Variants in ARFGEF3 observed in about 807,000 individuals in gnomAD.
The protein encoded by ARFGEF3 is brefeldin A-inhibited guanine nucleotide-exchange protein 3.
ARFGEF3 carries 96 observed loss-of-function variants against 221.7 expected under a neutral mutation model. The ratio of observed to expected loss-of-function variants is 0.43; its 90% CI spans 0.37 to 0.51. The LOEUF (loss-of-function observed/expected upper bound fraction) is 0.51. Among genes scored for constraint, ARFGEF3 ranks in the 20% least tolerant of loss-of-function variants. The probability of loss-of-function intolerance (pLI) is 0.00; values close to 1 mark genes in which losing one functional copy is unlikely to be tolerated. For missense variants in ARFGEF3, 2,410 were observed against 2,789.9 expected (o/e 0.86, Z 3.07); for synonymous variants, 1,145 against 1,126.8 (o/e 1.02, Z -0.32).
rs561762302 is a variant in ARFGEF3 at position 138,255,761 on chromosome 6, A to G, written c.1096A>G (p.Met366Val). The G allele has an allele frequency of 1.9e-6, 3 of 1,560,970 alleles. No homozygotes were observed. The highest frequency in any genetic ancestry group is 2.4e-5 in the South Asian group (2 of 84,518). Reference sequence around the variant, plus strand: ...GCACCGGGTGGAAGCCATCAAAATAATGAAAGAGGTGAGGAGGCACTGGAG... The same window carrying G: ...GCACCGGGTGGAAGCCATCAAAATAGTGAAAGAGGTGAGGAGGCACTGGAG... ...PQHRVEAIKI[M>V]KEILGSPQRL... Residue 366 changes from methionine to valine, a missense_variant, in exon 10 of 34, where the codon ATG becomes GTG. Physicochemically the swap from Met to Val is conservative, Grantham distance 21 (BLOSUM62 1). Around this residue, in one of 5 missense-constraint regions of ARFGEF3, gnomAD observed 570 missense variants for 586.9 expected, o/e 0.97. Coordinates refer to ENST00000251691, the MANE Select transcript of ARFGEF3 (RefSeq NM_020340.5).
chr6:138,245,687 T>C (rs1185176091), intron 8 of ARFGEF3, 96 bp downstream of exon 8: 11 of 914,948 alleles, frequency 1.2e-5, no homozygotes, highest in Middle Eastern at 2.1e-4. Context: ...GATTGTAAGA[T>C]TATAGGGACA....
chr6:138,262,186 A>G (rs902686146), intron 11 of ARFGEF3, among the ~76,000 whole-genome samples: 1 of 136,632 alleles, frequency 7.3e-6, no homozygotes, highest in African/African-American at 2.8e-5. Flanking sequence ...AATGCAGACC[A>G]CTTTTTTTTT....
Position 138,339,931 on chromosome 6 carries a change from C to T in ARFGEF3, c.*3445C>T, listed in dbSNP as rs561307833. The T allele has an allele frequency of 2.0e-5, 3 of 152,162 alleles. No individual in the cohort carries two copies. The highest frequency in any genetic ancestry group is 6.5e-5 in the Admixed American group (1 of 15,276). The allele number at this position is 152,162 out of a possible 1,614,324, so 9.4% of individuals were successfully genotyped here. A position where few individuals can be genotyped will look rare whatever the true frequency, so the allele number is the denominator to read the frequency against. On this transcript the variant is annotated 3_prime_UTR_variant, in exon 34 of 34. Transcript: ENST00000251691. ...GCAGATGCTAACATACTTAACAGCT[C>T]GCATTAAAATACTTTAAATCAGGCG...
intron 27 of ARFGEF3, 96 bp from the exon 28 acceptor site, chr6:138,319,604 AAAT>A: frequency 1.2e-6 from 1 of 804,140 alleles, no homozygotes; most frequent in Non-Finnish European, 2.0e-6. Flanking sequence ...CTTTCTCAGC[AAAT>A]GTAGGGATCC....
intron 3 of ARFGEF3, among the ~76,000 whole-genome samples, chr6:138,207,665 C>T (rs1253386888): frequency 1.3e-5 from 2 of 152,100 alleles, no homozygotes; most frequent in Admixed American, 1.3e-4. Flanking sequence ...GTGTTTTACA[C>T]CAAACATAAT....
chr6:138,272,687 C>A (rs1010288694), intron 12 of ARFGEF3, among the ~76,000 whole-genome samples: 1 of 152,090 alleles, frequency 6.6e-6, no homozygotes, highest in Admixed American at 6.6e-5. Flanking sequence ...AAATTAGAGC[C>A]GTAGACTTAA....
chr6:138,171,046 A>G lies in ARFGEF3; in HGVS notation c.137+333A>G, dbSNP rs1163139285. Among the ~76,000 whole-genome samples, 2 of 152,048 alleles carry G rather than the reference A, an allele frequency of 1.3e-5. 1 individual carries two copies. Among genetic ancestry groups the G allele is most frequent in the East Asian group, 3.8e-4 (2 of 5,200 alleles). ...ACTCCTGTGATAACAGCATTCATCC[A>G]TTCATGGAGCAGAGCCCTCATGGCC... is the stretch of plus-strand genomic sequence containing the variant. On this transcript the variant is annotated intron_variant, in intron 2 of 33. Coordinates refer to ENST00000251691, the MANE Select transcript of ARFGEF3 (RefSeq NM_020340.5).
chr6:138,266,676 C>T lies in ARFGEF3; in HGVS notation c.2128+3065C>T, dbSNP rs193251191. On this transcript the variant is annotated intron_variant, in intron 12 of 33. Coordinates refer to ENST00000251691, the MANE Select transcript of ARFGEF3 (RefSeq NM_020340.5). ...CATCCTGGCTAATATGGTGAAACCCCGTCTCTACTAAAAATACAAAAAATT... is the reference window on the plus strand; with the variant it reads ...CATCCTGGCTAATATGGTGAAACCCTGTCTCTACTAAAAATACAAAAAATT... Among the ~76,000 whole-genome samples the T allele has an allele frequency of 2.1e-3, 320 of 151,826 alleles. 2 individuals are homozygous for T. Among genetic ancestry groups the T allele is most frequent in the African/African-American group, 6.6e-3 (274 of 41,390 alleles).
chr6:138,264,652 T>TAG (rs1778854340), intron 12 of ARFGEF3, among the ~76,000 whole-genome samples: 2 of 152,176 alleles, frequency 1.3e-5, no homozygotes, highest in Admixed American at 1.3e-4. Context: ...CCATCCCTTC[T>TAG]ACCCTCCCCT....
chr6:138,229,846 C>T lies in ARFGEF3; in HGVS notation c.414C>T (p.Ile138=), dbSNP rs754942464. The T allele has an allele frequency of 9.9e-6, 16 of 1,613,388 alleles. No homozygotes were observed. Among genetic ancestry groups the T allele is most frequent in the African/African-American group, 1.3e-5 (1 of 75,026 alleles). Residue 138 remains isoleucine (I), a synonymous_variant, in exon 5 of 34, where the codon ATC becomes ATT. Coordinates refer to ENST00000251691, the MANE Select transcript of ARFGEF3 (RefSeq NM_020340.5). The part of the protein sequence containing the change: ...FDLNGSAVLK[I]AEVCIETYIS... ...TGAATGGGAGTGCCGTGCTGAAGATCGCGGAGGTGAGTACTGCTTGTGTCT... is the reference window on the plus strand; with the variant it reads ...TGAATGGGAGTGCCGTGCTGAAGATTGCGGAGGTGAGTACTGCTTGTGTCT...
At chr6:138,279,956 G>C in intron 13 of ARFGEF3, 43 bp from the exon 14 acceptor site, 1 of 1,599,562 alleles carries the variant, frequency 6.3e-7, no homozygotes, top group South Asian at 1.1e-5. Flanking sequence ...CTGTTAGTGA[G>C]CAGGGTGTTA....
chr6:138,310,532 C>T (rs565147177), intron 24 of ARFGEF3, among the ~76,000 whole-genome samples: 2 of 152,212 alleles, frequency 1.3e-5, no homozygotes, highest in South Asian at 4.2e-4. Flanking sequence ...AACCCTTGCT[C>T]GAAAACCTAA....
chr6:138,240,162 A>G (rs1778368164), intron 6 of ARFGEF3, among the ~76,000 whole-genome samples: 1 of 152,204 alleles, frequency 6.6e-6, no homozygotes, highest in Admixed American at 6.5e-5. Context: ...AGGATTTTGG[A>G]TATAGCTAGT....
chr6:138,225,120 C>A (rs376623774), intron 4 of ARFGEF3, among the ~76,000 whole-genome samples: 5 of 152,186 alleles, frequency 3.3e-5, no homozygotes, highest in East Asian at 3.8e-4. Flanking sequence ...GCCACGGGAA[C>A]AACTAGGATC....
intron 26 of ARFGEF3, among the ~76,000 whole-genome samples, chr6:138,314,369 A>G (rs1008747812): frequency 6.6e-6 from 1 of 152,208 alleles, no homozygotes; most frequent in East Asian, 1.9e-4. Flanking sequence ...ACACTGTTGC[A>G]TTATGGATAA....
At position 138,262,889 on chromosome 6, in the gene ARFGEF3, G is replaced by T; in HGVS notation, c.1406G>T (p.Arg469Leu). The T allele has an allele frequency of 6.2e-7, 1 of 1,613,258 alleles. No individual in the cohort carries two copies. Among genetic ancestry groups the T allele is most frequent in the Non-Finnish European group, 8.5e-7 (1 of 1,179,508 alleles). The change falls in exon 12 of 34, where the codon CGA (arginine) becomes CTA (leucine). Residue 469 changes from arginine to leucine, a missense_variant. Around this residue, in one of 5 missense-constraint regions of ARFGEF3, gnomAD observed 570 missense variants for 586.9 expected, o/e 0.97. Coordinates refer to ENST00000251691, the MANE Select transcript of ARFGEF3 (RefSeq NM_020340.5). ...CTGAAGGATGGGGCTGAGTGGAGCCGAGATTCCATGGAGATCAATGAGGCT... is the reference window on the plus strand; with the variant it reads ...CTGAAGGATGGGGCTGAGTGGAGCCTAGATTCCATGGAGATCAATGAGGCT... ...EELKDGAEWS[R>L]DSMEINEADF... is the part of the protein sequence containing the mutation.
intron 10 of ARFGEF3, among the ~76,000 whole-genome samples, chr6:138,259,489 C>G (rs1232351819): frequency 1.3e-5 from 2 of 152,194 alleles, no homozygotes; most frequent in African/African-American, 4.8e-5. Context: ...CCTCTGGCCC[C>G]CCAGCCACTG....
rs562640168 is a variant in ARFGEF3, at chr6:138,255,662, G to A, written c.997G>A (p.Val333Met). ...CATCGCAGCCGAGCTGGTCCGGCTGGTGGGGTCTGTGGACTCCATGAAGCC... is the reference window on the plus strand; with the variant it reads ...CATCGCAGCCGAGCTGGTCCGGCTGATGGGGTCTGTGGACTCCATGAAGCC... The part of the protein sequence containing the change: ...YYIAAELVRL[V>M]GSVDSMKPVL... Residue 333 changes from valine (V) to methionine (M), a missense_variant, in exon 10 of 34, where the codon GTG (valine) becomes ATG (methionine). Coordinates refer to ENST00000251691, the MANE Select transcript of ARFGEF3 (RefSeq NM_020340.5). The A allele has an allele frequency of 5.0e-6, 8 of 1,613,720 alleles. 1 individual carries two copies. The South Asian group carries it at 7.7e-5, about 16-fold the overall frequency.
At chr6:138,282,776 C>T (rs867011304) in intron 14 of ARFGEF3, among the ~76,000 whole-genome samples, 1 of 152,232 alleles carries the variant, frequency 6.6e-6, no homozygotes, top group African/African-American at 2.4e-5. Flanking sequence ...AGGCCGAGCA[C>T]AGTGGCTCAC....
Sources: gnomAD v4.1 joint callset for allele counts (sites outside exome capture counted in the v4.1 genomes callset) on GRCh38, gnomAD v4.1.1 for gene constraint, gnomAD v4.1.1 regional missense constraint, MANE v1.5 for transcripts, NCBI Gene and HGNC (gene_info 2026-07-23, HGNC 2026-07-21) for gene names.